The following CLSTN2 variants were observed in gnomAD, a reference collection of about 807,000 sequenced individuals.
The protein encoded by CLSTN2 is calsyntenin 2.
In CLSTN2, 48 loss-of-function variants were observed where a neutral mutation model predicts 101.2. That is an observed-to-expected ratio of 0.47 (90% confidence interval 0.38 to 0.60). The LOEUF (loss-of-function observed/expected upper bound fraction) is 0.60. Ranked by LOEUF, CLSTN2 falls within the 20% of genes least tolerant of loss-of-function variation. The pLI, the probability that CLSTN2 is intolerant of heterozygous loss-of-function variation, is 0.00. For missense variants in CLSTN2, 1,160 were observed against 1,238.2 expected, an observed-to-expected ratio of 0.94 and a Z score of 0.95; for synonymous variants, 481 against 463.6, an observed-to-expected ratio of 1.04 and a Z score of -0.48.
intron 8 of CLSTN2, among the ~76,000 whole-genome samples, chr3:140,470,521 G>T (rs561548096): frequency 2.0e-5 from 3 of 152,336 alleles, no homozygotes; most frequent in African/African-American, 7.2e-5. Context: ...GTGTGGTGGG[G>T]CATAGGCATA....
intron 1 of CLSTN2, among the ~76,000 whole-genome samples, chr3:140,011,870 T>C (rs1472200088): frequency 2.0e-5 from 3 of 151,746 alleles, no homozygotes; most frequent in African/African-American, 7.3e-5. Flanking sequence ...AGTGGGGCTG[T>C]GAGGGAAAGG....
At chr3:140,124,058 A>G (rs1005050837) in intron 1 of CLSTN2, among the ~76,000 whole-genome samples, 1 of 152,096 alleles carries the variant, frequency 6.6e-6, no homozygotes, top group African/African-American at 2.4e-5. Flanking sequence ...TAAAAACATA[A>G]TTATAAAAGA....
intron 1 of CLSTN2, among the ~76,000 whole-genome samples, chr3:139,945,877 A>G (rs1380563846): frequency 6.6e-6 from 1 of 152,236 alleles, no homozygotes. Flanking sequence ...ACCCATATAT[A>G]GCATTAAGAA....
At position 140,555,656 on chromosome 3, in the gene CLSTN2, T is replaced by C. The variant is rs917806897; in HGVS notation, c.1675-857T>C. Among the ~76,000 whole-genome samples, 16 of 152,354 alleles carry C rather than the reference T, an allele frequency of 1.1e-4. No homozygotes were observed. In the East Asian group the frequency reaches 1.9e-3, roughly 18 times the overall value. ...GATATATACTCTGAATTCACAGATA[T>C]GTTTCTGATATTTTATTGATAGCAT... is the stretch of plus-strand genomic sequence containing the variant. On this transcript the variant is annotated intron_variant, in intron 10 of 16. Transcript: ENST00000458420.
chr3:140,265,269 T>C (rs1157267797), intron 2 of CLSTN2, among the ~76,000 whole-genome samples: 1 of 152,094 alleles, frequency 6.6e-6, no homozygotes, highest in Non-Finnish European at 1.5e-5. Flanking sequence ...ACAAGAACAA[T>C]TCCAAGTTGC....
chr3:140,129,686 G>A (rs1030706379), intron 1 of CLSTN2, among the ~76,000 whole-genome samples: 6 of 152,180 alleles, frequency 3.9e-5, no homozygotes, highest in African/African-American at 1.4e-4. Flanking sequence ...GTTGACAAAT[G>A]AATGCATGTA....
intron 1 of CLSTN2, among the ~76,000 whole-genome samples, chr3:140,064,646 A>C (rs954913921): frequency 1.3e-5 from 2 of 152,224 alleles, no homozygotes; most frequent in African/African-American, 4.8e-5. Flanking sequence ...GAAAGAATGA[A>C]AGCATCCAAC....
chr3:140,546,430 C>T (rs1293061734), intron 9 of CLSTN2, 85 bp from the exon 10 acceptor site: 2 of 1,433,614 alleles, frequency 1.4e-6, no homozygotes, highest in African/African-American at 2.8e-5. Context: ...ATCAAGGCGT[C>T]TTTGGCTGCA....
rs774504004 is a variant in CLSTN2, at chr3:140,563,098, G to T, written c.2377G>T (p.Asp793Tyr). 6 of 1,614,082 alleles carry T rather than the reference G, an allele frequency of 3.7e-6. No individual in the cohort carries two copies. In the South Asian group the frequency reaches 6.6e-5, roughly 18 times the overall value. The change falls in exon 15 of 17, where the codon GAC (aspartate) becomes TAC (tyrosine). Residue 793 changes from aspartate to tyrosine, a missense_variant. Transcript: ENST00000458420. ...TTCCCAGGTCAGCATCCTTCATGAA[G>T]ACCAAGTCTCAGATAAGGAGCATGT... Reference protein sequence around the residue: ...FNLEVSILHEDQVSDKEHVNH... With the variant: ...FNLEVSILHEYQVSDKEHVNH...
At chr3:140,520,929 C>T (rs1421955520) in intron 8 of CLSTN2, among the ~76,000 whole-genome samples, 1 of 151,956 alleles carries the variant, frequency 6.6e-6, no homozygotes, top group Non-Finnish European at 1.5e-5. Flanking sequence ...TTCTTTTTTC[C>T]ACTTGGTCTA....
chr3:140,519,273 G>A (rs971969170), intron 8 of CLSTN2, among the ~76,000 whole-genome samples: 2 of 152,238 alleles, frequency 1.3e-5, no homozygotes, highest in African/African-American at 4.8e-5. Flanking sequence ...TAGAGGAAGT[G>A]CCATGTGGCA....
intron 1 of CLSTN2, among the ~76,000 whole-genome samples, chr3:140,104,405 GGTTCTTT>G (rs2009018719): frequency 6.6e-6 from 1 of 152,160 alleles, no homozygotes; most frequent in South Asian, 2.1e-4. Context: ...AAAGACCTAG[GGTTCTTT>G]GTTTGGTGCC....
At chr3:140,408,494 C>G (rs535845898) in intron 4 of CLSTN2, among the ~76,000 whole-genome samples, 1 of 152,194 alleles carries the variant, frequency 6.6e-6, no homozygotes, top group Admixed American at 6.5e-5. Flanking sequence ...ACCACAAACC[C>G]CTGACTGGCT....
intron 2 of CLSTN2, among the ~76,000 whole-genome samples, chr3:140,268,062 T>C (rs1405820443): frequency 6.6e-6 from 1 of 152,098 alleles, no homozygotes; most frequent in African/African-American, 2.4e-5. Context: ...GGGAAATACA[T>C]TTAGTGCCAA....
intron 6 of CLSTN2, among the ~76,000 whole-genome samples, chr3:140,456,557 C>G (rs927825059): frequency 6.6e-6 from 1 of 152,110 alleles, no homozygotes; most frequent in African/African-American, 2.4e-5. Flanking sequence ...GAGGCTGAGG[C>G]GGGCAGATCA....
chr3:140,442,307 G>T, intron 5 of CLSTN2, among the ~76,000 whole-genome samples: 1 of 151,992 alleles, frequency 6.6e-6, no homozygotes, highest in East Asian at 1.9e-4. Context: ...ATCACCCCAG[G>T]GTCAGGTACC....
At chr3:140,467,447 G>C (rs779811635) in intron 8 of CLSTN2, among the ~76,000 whole-genome samples, 2 of 152,170 alleles carry the variant, frequency 1.3e-5, no homozygotes, top group Non-Finnish European at 2.9e-5. Context: ...GGGACCAGGC[G>C]CTAATTGTTC....
In CLSTN2 at chr3:140,175,973, C is replaced by A; in HGVS notation, c.132C>A (p.Ile44=). Residue 44 remains isoleucine, a synonymous_variant, in exon 2 of 17, where the codon ATC becomes ATA. Transcript: ENST00000458420. ...AAKVNKHKPW[I]ETSYHGVITE... is the part of the protein sequence containing the mutation. ...TAGTCAATAAGCACAAGCCATGGAT[C>A]GAGACTTCATATCATGGAGTCATAA... The A allele has an allele frequency of 6.2e-7, 1 of 1,613,102 alleles. No homozygotes were observed. Among genetic ancestry groups the A allele is most frequent in the Non-Finnish European group, 8.5e-7 (1 of 1,179,360 alleles).
chr3:140,145,020 T>C (rs1406613491), intron 1 of CLSTN2, among the ~76,000 whole-genome samples: 1 of 152,250 alleles, frequency 6.6e-6, no homozygotes, highest in African/African-American at 2.4e-5. Flanking sequence ...TATGTACTCA[T>C]TGGTAGTTTT....
Sources: allele counts gnomAD v4.1 joint callset (sites outside exome capture counted in the v4.1 genomes callset), GRCh38; gene constraint gnomAD v4.1.1; transcripts MANE v1.5; gene names NCBI Gene and HGNC (gene_info 2026-07-23, HGNC 2026-07-21).